The following WNK3 variants were observed in gnomAD, a reference collection of about 807,000 sequenced individuals.
The protein encoded by WNK3 is serine/threonine-protein kinase WNK3.
A neutral mutation model predicts 116.7 loss-of-function variants in WNK3; 18 were observed. The ratio of observed to expected loss-of-function variants is 0.15; its 90% confidence interval spans 0.11 to 0.23. WNK3 has a LOEUF of 0.23. Among genes scored for constraint, WNK3 ranks in the 10% least tolerant of loss-of-function variants. The pLI is 1.00. For synonymous variants in WNK3, 404 were observed against 469.4 expected (o/e 0.86, Z 1.80); for missense variants, 993 against 1,323.8 (o/e 0.75, Z 3.88).
chrX:54,216,084 G>A (rs868944290), intron 22 of WNK3, among the ~76,000 whole-genome samples: 25 of 109,708 alleles, frequency 2.3e-4, no homozygotes, highest in African/African-American at 7.9e-4. Context: ...AAGGCAGCAT[G>A]CTCGTTAAGA....
intron 1 of WNK3, among the ~76,000 whole-genome samples, chrX:54,350,891 A>C (rs1466920996): frequency 1.8e-5 from 2 of 111,728 alleles, no homozygotes; most frequent in Non-Finnish European, 3.8e-5. Flanking sequence ...AAAAAATGCA[A>C]GATGGATATA....
intron 1 of WNK3, among the ~76,000 whole-genome samples, chrX:54,351,499 G>C (rs950430676): frequency 2.7e-5 from 3 of 111,171 alleles, no homozygotes; most frequent in Non-Finnish European, 5.7e-5. Context: ...GGCCAGGTGC[G>C]GTGGCTCATA....
chrX:54,235,563 A>G (rs1418230330), intron 20 of WNK3, among the ~76,000 whole-genome samples: 1 of 111,903 alleles, frequency 8.9e-6, no homozygotes. Context: ...CTGGGATTAC[A>G]GGCATGAGCC....
chrX:54,313,447 G>A (rs2068911453), intron 2 of WNK3, among the ~76,000 whole-genome samples: 2 of 109,657 alleles, frequency 1.8e-5, no homozygotes, highest in Middle Eastern at 4.3e-3. Flanking sequence ...CGTCTCCCGG[G>A]TTCAAGCAAT....
At chrX:54,293,177 T>C in exon 9 of WNK3, 1 of 1,209,983 alleles carries the variant, frequency 8.3e-7, no homozygotes, top group Non-Finnish European at 1.1e-6. Context: ...CTGAGATGAA[T>C]AAATTTGCCC....
chrX:54,275,591 T>C (rs1301856670), intron 10 of WNK3, among the ~76,000 whole-genome samples: 1 of 108,588 alleles, frequency 9.2e-6, no homozygotes, highest in Non-Finnish European at 1.9e-5. Context: ...TCCTAAAAAA[T>C]TTCAAATAAC....
chrX:54,284,040 T>C (rs980099297), intron 10 of WNK3, among the ~76,000 whole-genome samples: 2 of 110,633 alleles, frequency 1.8e-5, no homozygotes, highest in Admixed American at 9.8e-5. Context: ...TAGAAAAACT[T>C]TGATGAATCA....
At chrX:54,291,204 T>G (rs782000041) in intron 10 of WNK3, among the ~76,000 whole-genome samples, 1 of 110,335 alleles carries the variant, frequency 9.1e-6, no homozygotes, top group East Asian at 2.9e-4. Flanking sequence ...TCCCACCTAC[T>G]CGGGAGGCTG....
At position 54,297,131 on chromosome X, in the gene WNK3, A is replaced by T. The variant is rs141663132; in HGVS notation, c.1398+1044T>A. ...TTGCTATAACTGAGAAAGTCTCTTC[A>T]GCTTATCCTCTCCTGGGACTCTTCA... On this transcript the variant is annotated intron_variant, in intron 7 of 23. Transcript: ENST00000354646. Among the ~76,000 whole-genome samples the T allele has an allele frequency of 3.4e-3, 380 of 111,567 alleles. 2 individuals carry two copies. Among genetic ancestry groups the T allele is most frequent in the African/African-American group, 0.012 (359 of 30,802 alleles).
intron 2 of WNK3, among the ~76,000 whole-genome samples, chrX:54,327,687 T>C (rs1395595327): frequency 2.7e-5 from 3 of 110,914 alleles, no homozygotes; most frequent in African/African-American, 6.6e-5. Context: ...ACTCTGTCTC[T>C]AAAAATCAAA....
At chrX:54,208,214 T>C (rs1362836214) in intron 22 of WNK3, among the ~76,000 whole-genome samples, 1 of 110,324 alleles carries the variant, frequency 9.1e-6, no homozygotes, top group Non-Finnish European at 1.9e-5. Context: ...AAGCTCCGCC[T>C]CCCGGGTTCA....
intron 10 of WNK3, among the ~76,000 whole-genome samples, chrX:54,290,179 G>T (rs1557164727): frequency 9.0e-6 from 1 of 110,762 alleles, no homozygotes; most frequent in Non-Finnish European, 1.9e-5. Flanking sequence ...GGGAGGCTGA[G>T]GTGGGAGAAT....
intron 2 of WNK3, among the ~76,000 whole-genome samples, chrX:54,328,175 T>C (rs1195141417): frequency 9.2e-6 from 1 of 109,226 alleles, no homozygotes; most frequent in Non-Finnish European, 1.9e-5. Flanking sequence ...AAAAAAAGAA[T>C]GAAAAAGAAT....
intron 1 of WNK3, among the ~76,000 whole-genome samples, chrX:54,352,434 G>A (rs782625565): frequency 4.5e-5 from 5 of 110,966 alleles, no homozygotes; most frequent in Non-Finnish European, 9.4e-5. Context: ...CATACTTTGA[G>A]AGGCTAAGGC....
intron 22 of WNK3, 98 bp from the exon 23 acceptor site, chrX:54,202,291 C>A: frequency 2.6e-6 from 2 of 783,050 alleles, no homozygotes; most frequent in South Asian, 2.6e-5. Context: ...AACAGAGCCA[C>A]ACATGGGGTG....
intron 22 of WNK3, among the ~76,000 whole-genome samples, chrX:54,214,756 T>C (rs2146755423): frequency 9.0e-6 from 1 of 110,999 alleles, no homozygotes; most frequent in East Asian, 2.9e-4. Context: ...CTCACGCCTG[T>C]AATCCCAGCA....
chrX:54,302,757 A>ATTTT (rs782811375), intron 5 of WNK3, among the ~76,000 whole-genome samples: 6 of 43,364 alleles, frequency 1.4e-4, no homozygotes, highest in African/African-American at 6.7e-4. Context: ...ATATATATAT[A>ATTTT]TTTTTTTTTT....
At position 54,231,332 on chromosome X, in the gene WNK3, C is replaced by T. The variant is rs1460217862; in HGVS notation, c.4840+1477G>A. Among the ~76,000 whole-genome samples, 7 of 111,831 alleles carry T rather than the reference C, an allele frequency of 6.3e-5. No homozygotes were observed. The East Asian group carries it at 2.0e-3, about 31-fold the overall frequency. On this transcript the variant is annotated intron_variant, in intron 21 of 23. Coordinates refer to ENST00000354646, the Ensembl canonical transcript of WNK3. ...TATTAGTTGTCTATTGTTGTTGTAA[C>T]TAATTACCACAAACTTAGTGGCTTC...
At chrX:54,306,293 G>C (rs1458160190) in intron 5 of WNK3, among the ~76,000 whole-genome samples, 1 of 110,722 alleles carries the variant, frequency 9.0e-6, no homozygotes, top group Non-Finnish European at 1.9e-5. Context: ...TCTACTTCTT[G>C]GTACATACCC....
Sources: allele counts gnomAD v4.1 joint callset (sites outside exome capture counted in the v4.1 genomes callset), GRCh38; gene constraint gnomAD v4.1.1; transcripts MANE v1.5; gene names NCBI Gene and HGNC (gene_info 2026-07-23, HGNC 2026-07-21).